Variants in IQSEC1 observed in about 807,000 individuals in gnomAD.
The protein encoded by IQSEC1 is IQ motif and SEC7 domain-containing protein 1.
In IQSEC1, 31 loss-of-function variants were observed where a neutral mutation model predicts 91.0. The ratio of observed to expected loss-of-function variants is 0.34; its 90% CI spans 0.26 to 0.46. The LOEUF (loss-of-function observed/expected upper bound fraction) is 0.46. Ranked by LOEUF, IQSEC1 falls within the 20% of genes least tolerant of loss-of-function variation. The pLI is 1.00. For missense variants in IQSEC1, 1,388 were observed against 1,575.6 expected, an observed-to-expected ratio of 0.88 and a Z score of 2.02; for synonymous variants, 699 against 662.6, an observed-to-expected ratio of 1.05 and a Z score of -0.84.
intron 1 of IQSEC1, among the ~76,000 whole-genome samples, chr3:13,180,897 C>A (rs916509378): frequency 6.6e-6 from 1 of 152,020 alleles, no homozygotes; most frequent in African/African-American, 2.4e-5. Flanking sequence ...ACCTTTAAGA[C>A]CTGTAACACT....
At chr3:13,051,162 C>T (rs1029326284) in intron 1 of IQSEC1, among the ~76,000 whole-genome samples, 1 of 152,198 alleles carries the variant, frequency 6.6e-6, no homozygotes, top group South Asian at 2.1e-4. Flanking sequence ...CACAGAGCTG[C>T]CAGTCAGCTA....
chr3:13,044,130 C>G (rs1015480703), intron 1 of IQSEC1, among the ~76,000 whole-genome samples: 1 of 152,200 alleles, frequency 6.6e-6, no homozygotes, highest in Non-Finnish European at 1.5e-5. Flanking sequence ...AACAAAGTCT[C>G]CCACCTCAGG....
At chr3:13,158,812 A>C (rs1213255391) in intron 2 of IQSEC1, among the ~76,000 whole-genome samples, 1 of 152,088 alleles carries the variant, frequency 6.6e-6, no homozygotes. Context: ...AAATACAAAA[A>C]TTAGCCAAGC....
chr3:12,954,531 G>C (rs1699775668), intron 1 of IQSEC1, among the ~76,000 whole-genome samples: 1 of 152,196 alleles, frequency 6.6e-6, no homozygotes, highest in South Asian at 2.1e-4. Context: ...GGAAGGAAAA[G>C]AGGGATTTGC....
chr3:13,012,639 C>A (rs1362095638), intron 1 of IQSEC1, among the ~76,000 whole-genome samples: 2 of 152,202 alleles, frequency 1.3e-5, no homozygotes, highest in African/African-American at 4.8e-5. Flanking sequence ...ACATGCCGGG[C>A]ACAGAGCCAG....
intron 1 of IQSEC1, among the ~76,000 whole-genome samples, chr3:13,265,211 C>A (rs1695467043): frequency 6.6e-6 from 1 of 152,242 alleles, no homozygotes; most frequent in Admixed American, 6.5e-5. Flanking sequence ...GAGATCCCTG[C>A]CGGCCCCACC....
At chr3:12,919,825 G>A (rs563327175) in intron 6 of IQSEC1, among the ~76,000 whole-genome samples, 19 of 152,156 alleles carry the variant, frequency 1.2e-4, no homozygotes, top group Non-Finnish European at 2.1e-4. Flanking sequence ...AGAAGGTCAC[G>A]GCCTTTTAGT....
At position 13,282,622 on chromosome 3, in the gene IQSEC1, C is replaced by A. The variant is rs1180962393; in HGVS notation, c.272+89G>T. Among the ~76,000 whole-genome samples the A allele has an allele frequency of 6.6e-6, 1 of 151,736 alleles. No individual in the cohort carries two copies. The highest frequency in any genetic ancestry group is 1.5e-5 in the Non-Finnish European group (1 of 67,790). On this transcript the variant is annotated intron_variant, in intron 1 of 15. Coordinates refer to the IQSEC1 transcript ENST00000648114. This position sits in a 1 kb window ranked among gnomAD's most constrained non-coding sequence, Gnocchi z 6.4. Reference sequence around the variant, plus strand: ...CCGGCCACGCGCCCTCCCGCACCCGCCCACCTCCCCGCCAAGCCCCGAGGG... The same window carrying A: ...CCGGCCACGCGCCCTCCCGCACCCGACCACCTCCCCGCCAAGCCCCGAGGG...
Position 12,899,245 on chromosome 3 carries a change from C to G in IQSEC1, c.*1738G>C, listed in dbSNP as rs769798240. On this transcript the variant is annotated 3_prime_UTR_variant, in exon 14 of 14. Transcript: ENST00000613206. ...ACACACAGCCAGAGGGGGCTCCCCT[C>G]TCCTCCTGCCGTCCGGCCACGGCTC... 543 of 892,688 alleles carry G rather than the reference C, an allele frequency of 6.1e-4. No homozygotes were observed. Among genetic ancestry groups the G allele is most frequent in the Non-Finnish European group, 7.8e-4 (457 of 585,710 alleles). 55.3% of individuals were successfully genotyped at this position (892,688 alleles called of 1,614,324 possible).
intron 1 of IQSEC1, among the ~76,000 whole-genome samples, chr3:12,963,107 A>C (rs1700344365): frequency 6.6e-6 from 1 of 152,266 alleles, no homozygotes; most frequent in Non-Finnish European, 1.5e-5. Flanking sequence ...CTAAATGGCA[A>C]CTGTTGCTAT....
intron 2 of IQSEC1, among the ~76,000 whole-genome samples, chr3:13,157,696 T>A (rs7652712): frequency 3.9e-5 from 6 of 152,164 alleles, no homozygotes; most frequent in Middle Eastern, 3.4e-3. Context: ...TACAAGCAGC[T>A]GCTACCACCT....
intron 2 of IQSEC1, among the ~76,000 whole-genome samples, chr3:13,149,566 G>A (rs533726196): frequency 5.9e-5 from 9 of 152,268 alleles, no homozygotes; most frequent in Non-Finnish European, 1.0e-4. Context: ...TCAAAGGCCC[G>A]GAGGGTGATG....
At chr3:13,232,943 T>C in intron 1 of IQSEC1, among the ~76,000 whole-genome samples, 1 of 152,024 alleles carries the variant, frequency 6.6e-6, no homozygotes, top group Non-Finnish European at 1.5e-5. Context: ...TAGCAGGACA[T>C]AAAGTAGAAT....
At chr3:13,078,741 A>C (rs1482250065) in intron 2 of IQSEC1, among the ~76,000 whole-genome samples, 1 of 152,144 alleles carries the variant, frequency 6.6e-6, no homozygotes, top group African/African-American at 2.4e-5. Context: ...GAGAGTTCAC[A>C]GGAGGGACAT....
At chr3:12,913,258 A>G (rs1398146385) in intron 9 of IQSEC1, among the ~76,000 whole-genome samples, 170 bp downstream of exon 9, 1 of 152,244 alleles carries the variant, frequency 6.6e-6, no homozygotes, top group African/African-American at 2.4e-5. Context: ...GGACCTGTGC[A>G]TGAGCCAATG....
rs1223928233 is a variant in IQSEC1 at position 12,909,654 on chromosome 3, C to G, written c.2417-220G>C. 6.6e-6 allele frequency among the ~76,000 whole-genome samples: 1 copy of G among 152,332 alleles called. No homozygotes were observed. The highest frequency in any genetic ancestry group is 2.1e-4 in the South Asian group (1 of 4,832). ...TGTCGCTCCACATGTGACTCAGGGA[C>G]AAAAGTGGTCGAGCTCAGGGGAGGC... On this transcript the variant is annotated intron_variant, in intron 10 of 13. Coordinates refer to ENST00000613206, the MANE Select transcript of IQSEC1 (RefSeq NM_001134382.3). This position sits in a 1 kb window ranked among gnomAD's most constrained non-coding sequence, Gnocchi z 4.9.
intron 1 of IQSEC1, among the ~76,000 whole-genome samples, chr3:13,040,406 T>C (rs1704215841): frequency 6.6e-6 from 1 of 152,220 alleles, no homozygotes. Flanking sequence ...TTAGTCTCAT[T>C]TGTCTTTCAG....
chr3:13,043,663 C>T (rs931220275), intron 1 of IQSEC1, among the ~76,000 whole-genome samples: 1 of 152,172 alleles, frequency 6.6e-6, no homozygotes, highest in African/African-American at 2.4e-5. Context: ...CTCCTGACTA[C>T]AAGCAACGAC....
In IQSEC1 at chr3:12,897,773, G is replaced by A. The variant is rs1693791918; in HGVS notation, c.*3210C>T. ...CCAGCATCAGCTGTGAACATCTGCT[G>A]TCTTTTCAGCTCATTAAGAAAAACA... is the stretch of plus-strand genomic sequence containing the variant. On this transcript the variant is annotated 3_prime_UTR_variant, in exon 14 of 14. Coordinates refer to ENST00000613206, the MANE Select transcript of IQSEC1 (RefSeq NM_001134382.3). 1 of 152,052 alleles carries A rather than the reference G, an allele frequency of 6.6e-6. No individual in the cohort carries two copies. Among genetic ancestry groups the A allele is most frequent in the Admixed American group, 6.6e-5 (1 of 15,128 alleles). The allele number at this position is 152,052 out of a possible 1,614,324, so 9.4% of individuals were successfully genotyped here.
Sources: allele counts gnomAD v4.1 joint callset (sites outside exome capture counted in the v4.1 genomes callset), GRCh38; gene constraint gnomAD v4.1.1; non-coding constraint Gnocchi (gnomAD v3.1); transcripts MANE v1.5; gene names NCBI Gene and HGNC (gene_info 2026-07-23, HGNC 2026-07-21).